The following RBFOX1 variants were observed in gnomAD, a reference collection of about 807,000 sequenced individuals.
RBFOX1 encodes RNA binding protein fox-1 homolog 1.
A neutral mutation model predicts 57.7 loss-of-function variants in RBFOX1; 8 were observed. The ratio of observed to expected loss-of-function variants is 0.14; its 90% CI spans 0.08 to 0.25. The LOEUF is 0.25. RBFOX1 is among the 10% of genes least tolerant of loss of function. The pLI is 1.00. For synonymous variants in RBFOX1, 326 were observed against 222.4 expected (o/e 1.47, Z -4.15); for missense variants, 611 against 548.5 (o/e 1.11, Z -1.14).
At position 6,786,252 on chromosome 16, in the gene RBFOX1, G is replaced by C. The variant is rs559366824; in HGVS notation, c.-16+131602G>C. ...CAGAACTGGACCCTCACAAGTATGG[G>C]CCTGGCCAGGAGACGGGGCTTTTTG... is the stretch of plus-strand genomic sequence containing the variant. On this transcript the variant is annotated intron_variant, in intron 3 of 15. Transcript: ENST00000550418. Among the ~76,000 whole-genome samples the C allele has an allele frequency of 2.9e-4, 44 of 152,246 alleles. 2 individuals are homozygous for C. In the South Asian group the frequency reaches 9.1e-3, roughly 32 times the overall value.
chr16:7,246,591 G>C (rs2094309481), intron 4 of RBFOX1, among the ~76,000 whole-genome samples: 1 of 135,714 alleles, frequency 7.4e-6, no homozygotes, highest in Admixed American at 7.3e-5. Context: ...AGGGCTTTTT[G>C]TTGTTGCACA....
chr16:7,348,632 A>G (rs1290555260), intron 4 of RBFOX1, among the ~76,000 whole-genome samples: 1 of 152,194 alleles, frequency 6.6e-6, no homozygotes, highest in East Asian at 1.9e-4. Context: ...TAGCAAAACA[A>G]TCCTATAGAT....
At chr16:7,612,737 C>G (rs183784542) in intron 10 of RBFOX1, among the ~76,000 whole-genome samples, 1 of 152,056 alleles carries the variant, frequency 6.6e-6, no homozygotes, top group Non-Finnish European at 1.5e-5. Flanking sequence ...AAATAAATAA[C>G]AGAAGGTTAC....
chr16:5,808,784 T>A (rs2055317875), intron 3 of RBFOX1, among the ~76,000 whole-genome samples: 1 of 152,242 alleles, frequency 6.6e-6, no homozygotes, highest in Non-Finnish European at 1.5e-5. Context: ...CCTGAGACTT[T>A]GCTGAAGTTG....
intron 1 of RBFOX1, among the ~76,000 whole-genome samples, chr16:6,083,674 A>T (rs1384655952): frequency 6.6e-6 from 1 of 151,928 alleles, no homozygotes; most frequent in African/African-American, 2.4e-5. Flanking sequence ...ACGGGGTCTC[A>T]CTGTGTTGCC....
chr16:7,039,070 G>A (rs2045379819), intron 3 of RBFOX1, among the ~76,000 whole-genome samples: 1 of 152,026 alleles, frequency 6.6e-6, no homozygotes, highest in African/African-American at 2.4e-5. Context: ...CACTAAATGT[G>A]TTGTCCTGCC....
At chr16:6,605,839 C>T (rs898597832) in intron 2 of RBFOX1, among the ~76,000 whole-genome samples, 2 of 152,170 alleles carry the variant, frequency 1.3e-5, no homozygotes, top group African/African-American at 4.8e-5. Context: ...GTGGCTCACT[C>T]CTGTAATCCC....
intron 3 of RBFOX1, among the ~76,000 whole-genome samples, chr16:6,693,376 C>G (rs530933701): frequency 2.0e-5 from 3 of 151,006 alleles, no homozygotes; most frequent in East Asian, 4.0e-4. Flanking sequence ...CAACATCATC[C>G]TACTCCACTA....
intron 3 of RBFOX1, among the ~76,000 whole-genome samples, chr16:6,827,343 A>G (rs1025985542): frequency 6.6e-6 from 1 of 152,194 alleles, no homozygotes; most frequent in African/African-American, 2.4e-5. Flanking sequence ...AATCCATTAA[A>G]GAAGAAATGG....
intron 2 of RBFOX1, among the ~76,000 whole-genome samples, chr16:6,444,051 A>G (rs1405490720): frequency 2.0e-5 from 3 of 152,176 alleles, no homozygotes; most frequent in African/African-American, 2.4e-5. Context: ...GGCCCTAAGC[A>G]CAGAGTCACT....
chr16:7,256,757 G>C (rs987147361), intron 4 of RBFOX1, among the ~76,000 whole-genome samples: 1 of 152,122 alleles, frequency 6.6e-6, no homozygotes, highest in Admixed American at 6.6e-5. Context: ...TCAGTAATAC[G>C]GTTGTCCTGT....
Position 6,859,195 on chromosome 16 carries a change from A to G in RBFOX1, c.-15-192862A>G, listed in dbSNP as rs377523710. On this transcript the variant is annotated intron_variant, in intron 3 of 15. Coordinates refer to ENST00000550418, the MANE Select transcript of RBFOX1 (RefSeq NM_018723.4). ...TATATGTATATATATGTATATATAT[A>G]TGTATATATATATATACAAAAATTA... Among the ~76,000 whole-genome samples, 185 of 121,164 alleles carry G rather than the reference A, an allele frequency of 1.5e-3. 1 individual carries two copies. The highest frequency in any genetic ancestry group is 2.5e-3 in the Non-Finnish European group (140 of 55,660). 79.5% of individuals were successfully genotyped at this position (121,164 alleles called of 152,430 possible).
intron 3 of RBFOX1, among the ~76,000 whole-genome samples, chr16:6,956,892 G>A (rs1386159149): frequency 3.9e-5 from 6 of 152,024 alleles, no homozygotes; most frequent in Non-Finnish European, 7.4e-5. Flanking sequence ...TCTGGCATCT[G>A]GGCTAGTTGT....
intron 2 of RBFOX1, among the ~76,000 whole-genome samples, chr16:6,588,371 G>T (rs151059770): frequency 6.7e-6 from 1 of 150,004 alleles, no homozygotes; most frequent in Middle Eastern, 3.7e-3. Flanking sequence ...GAGTACTCTC[G>T]GCTGGGTGCG....
At chr16:5,341,913 C>A (rs560860408) in intron 1 of RBFOX1, among the ~76,000 whole-genome samples, 12 of 152,292 alleles carry the variant, frequency 7.9e-5, no homozygotes, top group African/African-American at 2.6e-4. Context: ...GGAAGCCTCC[C>A]TGCCAGGGCT....
intron 4 of RBFOX1, among the ~76,000 whole-genome samples, chr16:7,288,797 C>T (rs2095701323): frequency 6.6e-6 from 1 of 152,192 alleles, no homozygotes; most frequent in South Asian, 2.1e-4. Context: ...GCTGAGAGGG[C>T]ACCACTGCAC....
intron 4 of RBFOX1, among the ~76,000 whole-genome samples, chr16:7,495,344 T>C (rs1240591922): frequency 6.6e-6 from 1 of 152,234 alleles, no homozygotes; most frequent in Non-Finnish European, 1.5e-5. Context: ...AGTCATGGGA[T>C]TGCTGGATTG....
At chr16:6,488,217 G>C (rs1244124120) in intron 2 of RBFOX1, among the ~76,000 whole-genome samples, 4 of 152,140 alleles carry the variant, frequency 2.6e-5, no homozygotes, top group African/African-American at 9.7e-5. Flanking sequence ...ACAGTACTGT[G>C]GATGTATTTC....
intron 3 of RBFOX1, among the ~76,000 whole-genome samples, chr16:7,006,308 G>C (rs1420566617): frequency 6.6e-6 from 1 of 151,964 alleles, no homozygotes; most frequent in Non-Finnish European, 1.5e-5. Flanking sequence ...GTACACACCA[G>C]TATACCCAGC....
Sources: allele counts gnomAD v4.1 joint callset (sites outside exome capture counted in the v4.1 genomes callset), GRCh38; gene constraint gnomAD v4.1.1; transcripts MANE v1.5; gene names NCBI Gene and HGNC (gene_info 2026-07-23, HGNC 2026-07-21).